The following IPPK variants were observed in gnomAD, a reference collection of about 807,000 sequenced individuals.
IPPK encodes the protein inositol-pentakisphosphate 2-kinase.
In IPPK, 22 loss-of-function variants were observed where a neutral mutation model predicts 64.6. The ratio of observed to expected loss-of-function variants is 0.34; its 90% CI spans 0.24 to 0.49. IPPK has a LOEUF of 0.49. IPPK is among the 20% of genes least tolerant of loss of function. IPPK has a pLI of 0.99. For missense variants in IPPK, 532 were observed against 630.7 expected (o/e 0.84, Z 1.68); for synonymous variants, 262 against 247.2 (o/e 1.06, Z -0.56).
rs558766535 is a variant in IPPK, at chr9:92,654,418, G to A, written c.226-1779C>T. On this transcript the variant is annotated intron_variant, in intron 3 of 12. Transcript: ENST00000287996. ...AGTAGTCCCAGCTACTTGGGGGTGGGTGTGAGGCAGGATGATCACTTGAGT... is the reference window on the plus strand; with the variant it reads ...AGTAGTCCCAGCTACTTGGGGGTGGATGTGAGGCAGGATGATCACTTGAGT... 3.0e-4 allele frequency among the ~76,000 whole-genome samples: 46 copies of A among 152,260 alleles called. No homozygotes were observed. In the South Asian group the frequency reaches 9.5e-3, roughly 32 times the overall value.
intron 11 of IPPK, among the ~76,000 whole-genome samples, chr9:92,631,993 T>C (rs1269316990): frequency 1.3e-5 from 2 of 152,216 alleles, no homozygotes; most frequent in African/African-American, 4.8e-5. Flanking sequence ...CTCTGGAGAT[T>C]GGTTTTCGTC....
intron 6 of IPPK, among the ~76,000 whole-genome samples, chr9:92,644,300 T>C (rs1852106846): frequency 6.6e-6 from 1 of 152,200 alleles, no homozygotes; most frequent in South Asian, 2.1e-4. Context: ...AGTGAGCTTG[T>C]TGGCACTTTA....
intron 1 of IPPK, among the ~76,000 whole-genome samples, chr9:92,659,496 TTTTGAATA>T (rs1852438042): frequency 1.3e-5 from 2 of 152,348 alleles, no homozygotes; most frequent in South Asian, 4.1e-4. Flanking sequence ...TTTATCTTTA[TTTTGAATA>T]TTTCAATTTT....
intron 3 of IPPK, among the ~76,000 whole-genome samples, chr9:92,655,949 T>A (rs777643256): frequency 3.3e-5 from 5 of 152,072 alleles, no homozygotes; most frequent in Admixed American, 2.0e-4. Flanking sequence ...CTGGCAATCT[T>A]AGTCCCATTC....
chr9:92,624,523 G>A (rs906097236), intron 11 of IPPK, among the ~76,000 whole-genome samples: 1 of 151,824 alleles, frequency 6.6e-6, no homozygotes, highest in Non-Finnish European at 1.5e-5. Context: ...CCAGCTACCT[G>A]TGAGGCTGAG....
intron 4 of IPPK, among the ~76,000 whole-genome samples, chr9:92,650,082 G>A (rs1243544884): frequency 1.3e-5 from 2 of 151,218 alleles, no homozygotes; most frequent in Non-Finnish European, 2.9e-5. Flanking sequence ...CCAGCACTTT[G>A]GGAGGCCTAA....
intron 1 of IPPK, among the ~76,000 whole-genome samples, chr9:92,665,853 T>G (rs1339889719): frequency 2.0e-5 from 3 of 152,020 alleles, no homozygotes; most frequent in Non-Finnish European, 2.9e-5. Context: ...GAACCAGAAA[T>G]CTTAAAACAC....
Position 92,655,687 on chromosome 9 carries a change from T to C in IPPK, c.225+769A>G, listed in dbSNP as rs1351934770. Among the ~76,000 whole-genome samples, 5 of 152,296 alleles carry C rather than the reference T, an allele frequency of 3.3e-5. No homozygotes were observed. The South Asian group carries it at 6.2e-4, about 19-fold the overall frequency. On this transcript the variant is annotated intron_variant, in intron 3 of 12. Coordinates refer to ENST00000287996, the MANE Select transcript of IPPK (RefSeq NM_022755.6). ...TGGATCTTGCCTCCAAGAATGTTCC[T>C]TCCTCAAGGAGAAAACTTGTCACGG...
At chr9:92,658,006 T>C (rs1852407453) in intron 2 of IPPK, among the ~76,000 whole-genome samples, 1 of 152,180 alleles carries the variant, frequency 6.6e-6, no homozygotes, top group Non-Finnish European at 1.5e-5. Flanking sequence ...CTCAGCTGCA[T>C]GTGTCCCCTC....
intron 12 of IPPK, chr9:92,618,325 G>T (rs1181272164): frequency 4.4e-6 from 2 of 456,586 alleles, no homozygotes; most frequent in South Asian, 3.1e-5. Flanking sequence ...TGTCGTTTCT[G>T]CTGAGCAGCT....
intron 10 of IPPK, 51 bp from the exon 11 acceptor site, chr9:92,634,539 G>A (rs1377408781): frequency 7.4e-7 from 1 of 1,352,774 alleles, no homozygotes. Context: ...CACGGAGGTT[G>A]TTTCTTAAAC....
At position 92,660,471 on chromosome 9, in the gene IPPK, G is replaced by A. The variant is rs554792988; in HGVS notation, c.82-1790C>T. On this transcript the variant is annotated intron_variant, in intron 1 of 12. Transcript: ENST00000287996. ...CCAGACTGCATGCACAGAGCTCTGC[G>A]GCATCTACAGGAAAGCAAGGCCTGT... Among the ~76,000 whole-genome samples, 14 of 152,234 alleles carry A rather than the reference G, an allele frequency of 9.2e-5. No individual in the cohort carries two copies. In the South Asian group the frequency reaches 2.1e-3, roughly 23 times the overall value.
intron 12 of IPPK, chr9:92,617,852 A>C (rs2131412464): frequency 4.7e-6 from 1 of 211,516 alleles, no homozygotes; most frequent in African/African-American, 2.3e-5. Context: ...AGCGACAGGA[A>C]GGCAGATCCA....
intron 11 of IPPK, chr9:92,620,550 A>C (rs1851597428): frequency 6.6e-6 from 1 of 152,238 alleles, no homozygotes; most frequent in Admixed American, 6.5e-5. Context: ...CTCACACATC[A>C]CTGGCCTCAA....
At chr9:92,662,701 G>C (rs1017138958) in intron 1 of IPPK, among the ~76,000 whole-genome samples, 3 of 152,108 alleles carry the variant, frequency 2.0e-5, no homozygotes, top group African/African-American at 7.2e-5. Flanking sequence ...GAAAATCAAG[G>C]ATTCTAACAA....
intron 11 of IPPK, among the ~76,000 whole-genome samples, chr9:92,633,667 G>T (rs1057448618): frequency 6.6e-6 from 1 of 152,204 alleles, no homozygotes; most frequent in African/African-American, 2.4e-5. Context: ...AATGTATTCC[G>T]TAGTAATATG....
At chr9:92,637,701 A>C (rs557118209) in intron 9 of IPPK, among the ~76,000 whole-genome samples, 1 of 152,242 alleles carries the variant, frequency 6.6e-6, no homozygotes, top group South Asian at 2.1e-4. Flanking sequence ...AGGATATATA[A>C]CATGGTTGAA....
intron 11 of IPPK, 83 bp downstream of exon 11, chr9:92,634,301 GAA>G: frequency 4.3e-6 from 4 of 927,080 alleles, no homozygotes; most frequent in Non-Finnish European, 6.8e-6. Flanking sequence ...GTAGGTAATG[GAA>G]AAAAAAATAC....
rs1851384323 is a variant in IPPK at position 92,614,884 on chromosome 9, C to A, written c.*948G>T. 6.6e-6 allele frequency: 1 copy of A among 152,564 alleles called. No individual in the cohort carries two copies. The allele number at this position is 152,564 out of a possible 1,614,324, so 9.5% of individuals were successfully genotyped here. ...TTCCAGAAGCAGGGCCTGTGGCAGC[C>A]TAACAGGGAGAGGCCACGGGGCCCA... On this transcript the variant is annotated 3_prime_UTR_variant, in exon 13 of 13. Coordinates refer to ENST00000287996, the MANE Select transcript of IPPK (RefSeq NM_022755.6).
Sources: allele counts gnomAD v4.1 joint callset (sites outside exome capture counted in the v4.1 genomes callset), GRCh38; gene constraint gnomAD v4.1.1; transcripts MANE v1.5; gene names NCBI Gene and HGNC (gene_info 2026-07-23, HGNC 2026-07-21).